The following MX1 variants were observed in gnomAD, a reference collection of about 807,000 sequenced individuals.
MX1 encodes the protein interferon-induced GTP-binding protein Mx1.
A neutral mutation model predicts 66.4 loss-of-function variants in MX1; 66 were observed. The observed-to-expected ratio is 0.99, with a 90% CI of 0.82 to 1.22. MX1 has a LOEUF of 1.22. Ranked by LOEUF, MX1 falls within the 50% of genes most tolerant of loss-of-function variation. The pLI is 0.00. For missense variants in MX1, 787 were observed against 834.3 expected (o/e 0.94, Z 0.70); for synonymous variants, 311 against 318.1 (o/e 0.98, Z 0.24).
At position 41,458,722 on chromosome 21, in the gene MX1, G is replaced by T. The variant is rs1265036605; in HGVS notation, c.1953G>T (p.Thr651=). 6.2e-7 allele frequency: 1 copy of T among 1,613,652 alleles called. No individual in the cohort carries two copies. The highest frequency in any genetic ancestry group is 1.7e-5 in the Admixed American group (1 of 60,028). ...KFLKERLARL[T]QARRRLAQFP... is the part of the protein sequence containing the mutation. ...TGAAGGAGCGGCTTGCACGGCTGAC[G>T]CAGGCTCGGCGCCGGCTTGCCCAGT... The change falls in exon 17 of 17, where the codon ACG becomes ACT. Residue 651 remains threonine (T), a synonymous_variant. Coordinates refer to ENST00000398598, the MANE Select transcript of MX1 (RefSeq NM_002462.5).
intron 7 of MX1, 104 bp from the exon 8 acceptor site, chr21:41,439,590 C>T: frequency 9.2e-7 from 1 of 1,090,608 alleles, no homozygotes; most frequent in Non-Finnish European, 1.4e-6. Context: ...ATGCTTTTAT[C>T]CATGACTCGC....
chr21:41,444,456 A>G (rs1227392270), intron 11 of MX1, among the ~76,000 whole-genome samples: 3 of 150,364 alleles, frequency 2.0e-5, no homozygotes, highest in African/African-American at 7.4e-5. Context: ...CCTCCTGAGT[A>G]GCTGGGATTA....
Position 41,440,898 on chromosome 21 carries a change from C to T in MX1, c.603C>T (p.Leu201=). The change falls in exon 9 of 17, where the codon CTC becomes CTT. Residue 201 remains leucine, a synonymous_variant. Coordinates refer to ENST00000398598, the MANE Select transcript of MX1 (RefSeq NM_002462.5). ...TCATTTCCTTACAGATCAAGACACT[C>T]ATCAAGAAGTACATCCAGAGGCAGG... ...PADIGYKIKT[L]IKKYIQRQET... The T allele has an allele frequency of 6.2e-7, 1 of 1,614,210 alleles. No individual in the cohort carries two copies. The highest frequency in any genetic ancestry group is 8.5e-7 in the Non-Finnish European group (1 of 1,180,024).
At chr21:41,445,632 G>A in intron 12 of MX1, 62 bp downstream of exon 12, 1 of 1,605,824 alleles carries the variant, frequency 6.2e-7, no homozygotes, top group Non-Finnish European at 8.5e-7. Flanking sequence ...AAGGGACCCT[G>A]GGCCTTATGC....
chr21:41,444,719 C>G (rs2090614206), intron 11 of MX1, among the ~76,000 whole-genome samples: 1 of 152,000 alleles, frequency 6.6e-6, no homozygotes, highest in African/African-American at 2.4e-5. Flanking sequence ...TCGAGCAAGC[C>G]CATGGGGATT....
rs762627658 is a variant in MX1, at chr21:41,449,118, G to GT, written c.1274-11dup. 417 of 1,557,864 alleles carry GT rather than the reference G, an allele frequency of 2.7e-4. No individual in the cohort carries two copies. Among genetic ancestry groups the GT allele is most frequent in the Admixed American group, 7.0e-4 (34 of 48,428 alleles). ...TTATTTTTGTAAAATAATTTAGAGG[G>GT]TTTTTTTTCCTGCTATAGGCCATAA... On this transcript the variant is annotated intron_variant, in intron 13 of 16. Transcript: ENST00000398598.
chr21:41,425,247 A>T (rs913489147), upstream of MX1, among the ~76,000 whole-genome samples: 1 of 152,098 alleles, frequency 6.6e-6, no homozygotes, highest in East Asian at 1.9e-4. Flanking sequence ...GCGAAGGGAG[A>T]TAGGGGTGGG....
rs575783047 is a variant in MX1, at chr21:41,438,530, G to T, written c.437-1164G>T. On this transcript the variant is annotated intron_variant, in intron 7 of 16. Transcript: ENST00000398598. The stretch of plus-strand genomic sequence containing the variant: ...AATGTGGGTGGAGGGGTTCCCAGCA[G>T]CAAGAGAGGGCAAGACCCGACATCT... 5.0e-3 allele frequency among the ~76,000 whole-genome samples: 769 copies of T among 152,334 alleles called. 4 individuals are homozygous for T. Among genetic ancestry groups the T allele is most frequent in the Middle Eastern group, 0.014 (4 of 294 alleles).
chr21:41,446,287 G>T (rs1176230735), intron 13 of MX1, 146 bp downstream of exon 13: 12 of 767,018 alleles, frequency 1.6e-5, no homozygotes, highest in Non-Finnish European at 2.3e-5. Context: ...TCTGGTGAGA[G>T]CTTGTTCTCT....
At chr21:41,428,585 C>T (rs1482562932) in intron 3 of MX1, 2 of 152,242 alleles carry the variant, frequency 1.3e-5, no homozygotes, top group African/African-American at 2.4e-5. Context: ...ACGCTTCAGA[C>T]ATTGCTAGTC....
At position 41,432,155 on chromosome 21, in the gene MX1, G is replaced by T; in HGVS notation, c.85G>T (p.Ala29Ser). The change falls in exon 5 of 17, where the codon GCC becomes TCC. Residue 29 changes from alanine (A) to serine (S), a missense_variant. Ala to Ser is a moderately conservative substitution (Grantham distance 99, BLOSUM62 1). Coordinates refer to ENST00000398598, the MANE Select transcript of MX1 (RefSeq NM_002462.5). ...PLLLNGDATV[A>S]QKNPGSVAEN... ...ATTACTGAATGGAGATGCTACTGTG[G>T]CCCAGAAAAATCCAGGCTCGGTAAG... 1 of 1,614,076 alleles carries T rather than the reference G, an allele frequency of 6.2e-7. No individual in the cohort carries two copies. The highest frequency in any genetic ancestry group is 8.5e-7 in the Non-Finnish European group (1 of 1,180,036).
In MX1 at chr21:41,441,135, G is replaced by A. The variant is rs1299640493; in HGVS notation, c.730+110G>A. ...TCGGTGAGAATGGGGGAGCCCGCCT[G>A]TGCTCGGTGAGAATGGGGGAGCCCG... On this transcript the variant is annotated intron_variant, in intron 9 of 16. Coordinates refer to ENST00000398598, the MANE Select transcript of MX1 (RefSeq NM_002462.5). This position sits in a 1 kb window ranked among gnomAD's most constrained non-coding sequence, Gnocchi z 4.0. The A allele has an allele frequency of 8.6e-7, 1 of 1,166,414 alleles. No individual in the cohort carries two copies. The allele number at this position is 1,166,414 out of a possible 1,614,324, so 72.3% of individuals were successfully genotyped here. A position where few individuals can be genotyped will look rare whatever the true frequency, so the allele number is the denominator to read the frequency against.
At chr21:41,452,228 A>C (rs530514272) in intron 15 of MX1, among the ~76,000 whole-genome samples, 1 of 152,292 alleles carries the variant, frequency 6.6e-6, no homozygotes, top group South Asian at 2.1e-4. Context: ...GGAACATAAA[A>C]CATAATTTTC....
rs1432441533 is a variant in MX1 at position 41,451,136 on chromosome 21, A to G, written c.1433-31A>G. ...TAAGAAGAGAACAAATGATCCTACC[A>G]ATATTGAACTATTTTTCTCTCTTTG... On this transcript the variant is annotated intron_variant, in intron 14 of 16. Coordinates refer to ENST00000398598, the MANE Select transcript of MX1 (RefSeq NM_002462.5). The G allele has an allele frequency of 3.5e-6, 5 of 1,428,606 alleles. No homozygotes were observed. In the South Asian group the frequency reaches 4.7e-5, roughly 13 times the overall value. 88.5% of individuals were successfully genotyped at this position (1,428,606 alleles called of 1,614,324 possible). A position where few individuals can be genotyped will look rare whatever the true frequency, so the allele number is the denominator to read the frequency against.
intron 16 of MX1, among the ~76,000 whole-genome samples, chr21:41,455,283 A>G (rs2090931909): frequency 6.6e-6 from 1 of 152,170 alleles, no homozygotes; most frequent in Admixed American, 6.5e-5. Context: ...GCAAGGCTCT[A>G]AACCGAGGGT....
chr21:41,421,428 G>A (rs1243040460), upstream of MX1: 1 of 153,836 alleles, frequency 6.5e-6, no homozygotes, highest in African/African-American at 2.4e-5. Flanking sequence ...ATGGGTGTCG[G>A]ACTGGGGGAC....
Position 41,441,680 on chromosome 21 carries a change from G to T in MX1, c.731-36G>T. On this transcript the variant is annotated intron_variant, in intron 9 of 16. Coordinates refer to ENST00000398598, the MANE Select transcript of MX1 (RefSeq NM_002462.5). This position sits in a 1 kb window ranked among gnomAD's most constrained non-coding sequence, Gnocchi z 4.0. ...GTTCGTTCACCTCTGCCTCGTGACTGAGCACGTTCTCTCCCCAAATACATC... is the reference window on the plus strand; with the variant it reads ...GTTCGTTCACCTCTGCCTCGTGACTTAGCACGTTCTCTCCCCAAATACATC... The T allele has an allele frequency of 1.2e-6, 2 of 1,610,446 alleles. No homozygotes were observed. Among genetic ancestry groups the T allele is most frequent in the South Asian group, 2.2e-5 (2 of 90,876 alleles).
At chr21:41,438,061 C>G (rs2090413132) in intron 7 of MX1, among the ~76,000 whole-genome samples, 1 of 152,214 alleles carries the variant, frequency 6.6e-6, no homozygotes, top group Non-Finnish European at 1.5e-5. Context: ...TCCTATCGAC[C>G]TTCATGTTTT....
At chr21:41,443,905 A>G in intron 11 of MX1, 39 bp downstream of exon 11, 1 of 1,581,206 alleles carries the variant, frequency 6.3e-7, no homozygotes, top group Non-Finnish European at 8.7e-7. Flanking sequence ...TAAAAAGAAT[A>G]CTACGACCGC....
Sources: gnomAD v4.1 joint callset for allele counts (sites outside exome capture counted in the v4.1 genomes callset) on GRCh38, gnomAD v4.1.1 for gene constraint, Gnocchi (gnomAD v3.1) non-coding constraint, MANE v1.5 for transcripts, NCBI Gene and HGNC (gene_info 2026-07-23, HGNC 2026-07-21) for gene names.